The following IFT140 variants were observed in gnomAD, a reference collection of about 807,000 sequenced individuals.
IFT140 encodes the protein intraflagellar transport protein 140 homolog.
A neutral mutation model predicts 164.6 loss-of-function variants in IFT140; 133 were observed. That is an observed-to-expected ratio of 0.81 (90% CI 0.70 to 0.93). The LOEUF is 0.93. Ranked by LOEUF, IFT140 falls within the 40% of genes least tolerant of loss-of-function variation. The pLI is 0.00. For missense variants in IFT140, 2,045 were observed against 1,972.3 expected (o/e 1.04, Z -0.70); for synonymous variants, 860 against 817.3 (o/e 1.05, Z -0.89).
intron 11 of IFT140, 70 bp from the exon 12 acceptor site, chr16:1,583,456 C>A (rs776144181): frequency 2.3e-6 from 3 of 1,299,314 alleles, no homozygotes; most frequent in Non-Finnish European, 2.2e-6. Context: ...CCCCACTGCA[C>A]ACCTCGAAAG....
intron 17 of IFT140, among the ~76,000 whole-genome samples, chr16:1,563,446 C>CCGTCTCAAAAAAAAAAAA (rs1567375165): frequency 6.6e-6 from 1 of 150,696 alleles, no homozygotes; most frequent in Admixed American, 6.6e-5. Flanking sequence ...GAGAGAGACT[C>CCGTCTCAAAAAAAAAAAA]AAAAAACAAA....
In IFT140 at chr16:1,520,788, C is replaced by T. The variant is rs1334617888; in HGVS notation, c.3474G>A (p.Leu1158=). ...AARKYQEALQ[L]CLGQNMSITE... The stretch of plus-strand genomic sequence containing the variant: ...TGATGCTCATGTTCTGCCCCAGGCA[C>T]AGCTGCAGGGCTTCCTGATACTGCA... Residue 1158 remains leucine (L), a synonymous_variant, in exon 27 of 31, where the codon CTG becomes CTA. Transcript: ENST00000426508. 3 of 1,605,132 alleles carry T rather than the reference C, an allele frequency of 1.9e-6. No individual in the cohort carries two copies. The highest frequency in any genetic ancestry group is 2.5e-6 in the Non-Finnish European group (3 of 1,179,934).
chr16:1,556,673 A>AT (rs903001246), intron 19 of IFT140, among the ~76,000 whole-genome samples: 1 of 152,254 alleles, frequency 6.6e-6, no homozygotes, highest in African/African-American at 2.4e-5. Context: ...GAAATACCAG[A>AT]TTCACGTCCA....
chr16:1,546,397 C>T (rs2032174325), intron 19 of IFT140, among the ~76,000 whole-genome samples: 1 of 152,202 alleles, frequency 6.6e-6, no homozygotes. Flanking sequence ...GGGTTCTGCT[C>T]CTGGCTCTGC....
chr16:1,605,866 CAG>C (rs1019237818), intron 3 of IFT140, among the ~76,000 whole-genome samples: 7 of 152,204 alleles, frequency 4.6e-5, no homozygotes, highest in African/African-American at 1.7e-4. Context: ...CCTTTGGAAA[CAG>C]GGTCTTTGCA....
In IFT140 at chr16:1,520,800, T is replaced by C. The variant is rs2040503591; in HGVS notation, c.3462A>G (p.Glu1154=). ...TCTGCCCCAGGCACAGCTGCAGGGC[T>C]TCCTGATACTGCAAAGGTGCAGAAA... ...ELLLAARKYQ[E]ALQLCLGQNM... Residue 1154 remains glutamate, a synonymous_variant, in exon 27 of 31, where the codon GAA becomes GAG. Coordinates refer to ENST00000426508, the MANE Select transcript of IFT140 (RefSeq NM_014714.4). 6.2e-7 allele frequency: 1 copy of C among 1,602,740 alleles called. No homozygotes were observed. The highest frequency in any genetic ancestry group is 8.5e-7 in the Non-Finnish European group (1 of 1,179,834).
intron 2 of IFT140, among the ~76,000 whole-genome samples, chr16:1,608,377 C>G (rs2036178441): frequency 6.6e-6 from 1 of 152,128 alleles, no homozygotes; most frequent in Non-Finnish European, 1.5e-5. Context: ...GCCTGTAATC[C>G]TAGCAATTTG....
chr16:1,583,336 A>G lies in IFT140; in HGVS notation c.1410T>C (p.Ser470=), dbSNP rs2034679198. Residue 470 remains serine (S), a synonymous_variant, in exon 12 of 31, where the codon TCT becomes TCC. Coordinates refer to ENST00000426508, the MANE Select transcript of IFT140 (RefSeq NM_014714.4). Reference sequence around the variant, plus strand: ...CACCTGCACTCCGTATCGCGGCTCCAGAAAGCTCGAAGATCGCCACCTGCC... The same window carrying G: ...CACCTGCACTCCGTATCGCGGCTCCGGAAAGCTCGAAGATCGCCACCTGCC... ...NGRQVAIFEL[S]GAAIRSAGTF... is the part of the protein sequence containing the mutation. The G allele has an allele frequency of 6.2e-7, 1 of 1,614,032 alleles. No individual in the cohort carries two copies. The highest frequency in any genetic ancestry group is 1.1e-5 in the South Asian group (1 of 91,084).
In IFT140 at chr16:1,531,717, G is replaced by C. The variant is rs2030514102; in HGVS notation, c.2400-4921C>G. 6.6e-6 allele frequency: 1 copy of C among 152,334 alleles called. No homozygotes were observed. Among genetic ancestry groups the C allele is most frequent in the Non-Finnish European group, 1.5e-5 (1 of 68,118 alleles). 9.4% of individuals were successfully genotyped at this position (152,334 alleles called of 1,614,324 possible). On this transcript the variant is annotated intron_variant, in intron 19 of 30. Transcript: ENST00000426508. The surrounding 1 kb of genome is among the most constrained non-coding windows in gnomAD (Gnocchi z 4.7). Reference sequence around the variant, plus strand: ...TAGCGCGCAGGGTTAGAAGCGGCGTGACAGCTGAGGGCACAGGGACCTGGA... The same window carrying C: ...TAGCGCGCAGGGTTAGAAGCGGCGTCACAGCTGAGGGCACAGGGACCTGGA...
intron 3 of IFT140, among the ~76,000 whole-genome samples, chr16:1,605,853 C>T (rs1483323223): frequency 1.3e-5 from 2 of 152,132 alleles, no homozygotes; most frequent in East Asian, 1.9e-4. Flanking sequence ...TGTGACATGG[C>T]GTCCTTTGGA....
chr16:1,567,654 CG>C (rs2033790871), intron 15 of IFT140, among the ~76,000 whole-genome samples: 1 of 152,232 alleles, frequency 6.6e-6, no homozygotes. Flanking sequence ...AGATCAGTCA[CG>C]GCCCTTGAAC....
intron 7 of IFT140, among the ~76,000 whole-genome samples, 178 bp from the exon 8 acceptor site, chr16:1,588,202 C>T (rs949424651): frequency 6.6e-5 from 10 of 151,996 alleles, no homozygotes; most frequent in Non-Finnish European, 8.8e-5. Flanking sequence ...ATGTAGGGGC[C>T]GAAGCAAACC....
rs569268121 is a variant in IFT140, at chr16:1,540,882, C to T, written c.2400-14086G>A. 14 of 985,440 alleles carry T rather than the reference C, an allele frequency of 1.4e-5. No homozygotes were observed. In the African/African-American group the frequency reaches 1.9e-4, roughly 13 times the overall value. The allele number at this position is 985,440 out of a possible 1,614,324, so 61.0% of individuals were successfully genotyped here. A position where few individuals can be genotyped will look rare whatever the true frequency, so the allele number is the denominator to read the frequency against. On this transcript the variant is annotated intron_variant, in intron 19 of 30. Transcript: ENST00000426508. ...TAGGGACTCTGTGGGGCTGTTGCTT[C>T]ACATGCAGTCCCTGACTCCAGGCTG...
At chr16:1,536,194 A>G (rs538236950) in intron 19 of IFT140, among the ~76,000 whole-genome samples, 4 of 152,320 alleles carry the variant, frequency 2.6e-5, no homozygotes, top group African/African-American at 9.6e-5. Flanking sequence ...AGGCAGCCCA[A>G]TCTCAGGGCA....
At chr16:1,529,810 C>T (rs2030249648) in intron 19 of IFT140, among the ~76,000 whole-genome samples, 1 of 152,220 alleles carries the variant, frequency 6.6e-6, no homozygotes, top group Non-Finnish European at 1.5e-5. Flanking sequence ...CTGAGACACG[C>T]CTCAAGACTG....
In IFT140 at chr16:1,526,022, A is replaced by C. The variant is rs542758162; in HGVS notation, c.2633T>G (p.Phe878Cys). ...KCKRHDLLNK[F>C]YQAAGRWQEA... ...CTGCCACCGGCCCGCAGCCTGGTAG[A>C]ACTTGTTCAGGAGGTCGTGGCGCTT... is the stretch of plus-strand genomic sequence containing the variant. Residue 878 changes from phenylalanine (F) to cysteine (C), a missense_variant, in exon 21 of 31, where the codon TTC becomes TGC. By Grantham distance (205) the Phe-to-Cys change is radical. Transcript: ENST00000426508. 1.3e-5 allele frequency: 21 copies of C among 1,602,116 alleles called. 1 individual carries two copies. In the South Asian group the frequency reaches 2.2e-4, roughly 17 times the overall value.
chr16:1,570,948 G>C (rs557376256), intron 14 of IFT140, among the ~76,000 whole-genome samples: 1 of 152,208 alleles, frequency 6.6e-6, no homozygotes, highest in African/African-American at 2.4e-5. Flanking sequence ...GTAGAGACAG[G>C]GTTTTGCTAT....
At chr16:1,548,131 T>C (rs1192094763) in intron 19 of IFT140, among the ~76,000 whole-genome samples, 4 of 152,238 alleles carry the variant, frequency 2.6e-5, no homozygotes, top group Admixed American at 6.5e-5. Flanking sequence ...AGAGGATTGT[T>C]TGGGTCACCG....
chr16:1,519,139 C>G (rs1425284876), intron 29 of IFT140, among the ~76,000 whole-genome samples: 1 of 152,362 alleles, frequency 6.6e-6, no homozygotes, highest in Middle Eastern at 3.4e-3. Flanking sequence ...CTGTGAGACG[C>G]TGATACCCCA....
Sources: allele counts gnomAD v4.1 joint callset (sites outside exome capture counted in the v4.1 genomes callset), GRCh38; gene constraint gnomAD v4.1.1; non-coding constraint Gnocchi (gnomAD v3.1); transcripts MANE v1.5; gene names NCBI Gene and HGNC (gene_info 2026-07-23, HGNC 2026-07-21).